The following KIF27 variants were observed in gnomAD, a reference collection of about 807,000 sequenced individuals.
KIF27 encodes the protein kinesin family member 27.
KIF27 carries 84 observed loss-of-function variants against 141.8 expected under a neutral mutation model. The ratio of observed to expected loss-of-function variants is 0.59; its 90% CI spans 0.50 to 0.71. KIF27 has a LOEUF of 0.71. Ranked by LOEUF, KIF27 falls within the 30% of genes least tolerant of loss-of-function variation. The pLI is 0.00. For missense variants in KIF27, 1,306 were observed against 1,628.4 expected (o/e 0.80, Z 3.41); for synonymous variants, 471 against 569.5 (o/e 0.83, Z 2.46).
intron 2 of KIF27, among the ~76,000 whole-genome samples, chr9:83,909,869 C>G (rs1419926807): frequency 6.6e-6 from 1 of 151,982 alleles, no homozygotes; most frequent in Non-Finnish European, 1.5e-5. Context: ...TTGAGACAAG[C>G]CTGGGCAACA....
At position 83,903,204 on chromosome 9, in the gene KIF27, T is replaced by C. The variant is rs1393563434; in HGVS notation, c.1314A>G (p.Lys438=). 1 of 1,614,030 alleles carries C rather than the reference T, an allele frequency of 6.2e-7. No homozygotes were observed. The highest frequency in any genetic ancestry group is 1.3e-5 in the African/African-American group (1 of 74,898). Residue 438 remains lysine, a synonymous_variant, in exon 4 of 18, where the codon AAA becomes AAG. Transcript: ENST00000297814. ...TVRLNEKQQH[K]LQEWFNMIQE... ...GGATCATGTTAAACCACTCCTGCAG[T>C]TTGTGTTGCTGCTTTTCGTTTAGTC...
At chr9:83,879,812 C>T (rs1332107772) in intron 11 of KIF27, among the ~76,000 whole-genome samples, 1 of 152,142 alleles carries the variant, frequency 6.6e-6, no homozygotes, top group Non-Finnish European at 1.5e-5. Context: ...AGGCTGACAC[C>T]ACTAAGTTCT....
chr9:83,863,002 T>C (rs1442839274), intron 13 of KIF27, among the ~76,000 whole-genome samples: 1 of 152,212 alleles, frequency 6.6e-6, no homozygotes, highest in Admixed American at 6.5e-5. Flanking sequence ...ATAAAAATGC[T>C]TGTGATTTTT....
At chr9:83,919,996 C>T (rs1048749128) in intron 1 of KIF27, among the ~76,000 whole-genome samples, 4 of 151,892 alleles carry the variant, frequency 2.6e-5, no homozygotes, top group Non-Finnish European at 5.9e-5. Context: ...CTTTGGGAGG[C>T]CAAGGCAGGT....
intron 2 of KIF27, 131 bp downstream of exon 2, chr9:83,915,163 C>T (rs1955564927): frequency 3.0e-6 from 2 of 676,312 alleles, no homozygotes; most frequent in Non-Finnish European, 2.4e-6. Flanking sequence ...CTTATGATCA[C>T]ATTTGATTAC....
intron 17 of KIF27, chr9:83,837,780 T>C (rs1946061413): frequency 4.8e-6 from 1 of 208,032 alleles, no homozygotes. Flanking sequence ...TGGGCACCTC[T>C]GGTGCCTTTC....
At chr9:83,890,508 C>T (rs1268066548) in intron 6 of KIF27, among the ~76,000 whole-genome samples, 3 of 152,188 alleles carry the variant, frequency 2.0e-5, no homozygotes, top group African/African-American at 7.2e-5. Context: ...CAACTTCATT[C>T]TCTGGGATTG....
At chr9:83,876,449 G>A (rs901863358) in intron 11 of KIF27, among the ~76,000 whole-genome samples, 1 of 152,172 alleles carries the variant, frequency 6.6e-6, no homozygotes, top group African/African-American at 2.4e-5. Context: ...TCCCATGCTC[G>A]TGGATAAGAA....
At chr9:83,895,135 G>A (rs777637069) in intron 5 of KIF27, among the ~76,000 whole-genome samples, 10 of 150,898 alleles carry the variant, frequency 6.6e-5, no homozygotes, top group African/African-American at 9.7e-5. Context: ...GGCGGCGGGC[G>A]CCTGTAGTCC....
Position 83,859,389 on chromosome 9 carries a change from C to T in KIF27, c.2935-18G>A, listed in dbSNP as rs374149978. On this transcript the variant is annotated intron_variant, in intron 13 of 17. Transcript: ENST00000297814. ...TTTAAGGCCTAAAAGATACAACCCACCAGCCACCTCAAAAACAGTTACTAG... is the reference window on the plus strand; with the variant it reads ...TTTAAGGCCTAAAAGATACAACCCATCAGCCACCTCAAAAACAGTTACTAG... 4.5e-6 allele frequency: 7 copies of T among 1,570,746 alleles called. No homozygotes were observed. The African/African-American group carries it at 6.8e-5, about 15-fold the overall frequency.
At chr9:83,872,362 AG>A (rs1323410668) in intron 11 of KIF27, among the ~76,000 whole-genome samples, 1 of 152,122 alleles carries the variant, frequency 6.6e-6, no homozygotes, top group African/African-American at 2.4e-5. Flanking sequence ...GGTGCCTTCT[AG>A]GGGTTTAGAA....
intron 4 of KIF27, among the ~76,000 whole-genome samples, chr9:83,900,165 C>A (rs1335152439): frequency 6.6e-6 from 1 of 151,948 alleles, no homozygotes; most frequent in African/African-American, 2.4e-5. Flanking sequence ...TCCAAATTGA[C>A]ATATAGGGTT....
chr9:83,871,946 C>G (rs1669384877), intron 11 of KIF27, among the ~76,000 whole-genome samples: 1 of 151,114 alleles, frequency 6.6e-6, no homozygotes. Context: ...AGGTGATCCA[C>G]CTGCCTCAGC....
At chr9:83,908,776 G>T in intron 2 of KIF27, 124 bp from the exon 3 acceptor site, 1 of 471,136 alleles carries the variant, frequency 2.1e-6, no homozygotes, top group Non-Finnish European at 3.5e-6. Flanking sequence ...TTTTTTGGCG[G>T]GGGGACGGAG....
At chr9:83,862,054 C>T (rs1182422910) in intron 13 of KIF27, among the ~76,000 whole-genome samples, 2 of 152,004 alleles carry the variant, frequency 1.3e-5, no homozygotes, top group Non-Finnish European at 2.9e-5. Flanking sequence ...TGTTTGAGTT[C>T]ATTGTAGATT....
intron 11 of KIF27, among the ~76,000 whole-genome samples, chr9:83,870,905 T>C (rs1405066581): frequency 6.6e-6 from 1 of 151,966 alleles, no homozygotes; most frequent in African/African-American, 2.4e-5. Context: ...AATGTGTGGA[T>C]TTTTTTGTTT....
intron 11 of KIF27, among the ~76,000 whole-genome samples, chr9:83,878,937 G>A (rs2132170983): frequency 6.6e-6 from 1 of 151,116 alleles, no homozygotes; most frequent in East Asian, 2.0e-4. Flanking sequence ...CCAGCACTTT[G>A]GGAGGCTGAG....
chr9:83,915,772 T>C, intron 1 of KIF27, 94 bp from the exon 2 acceptor site: 1 of 592,020 alleles, frequency 1.7e-6, no homozygotes. Context: ...TTAGAACAGG[T>C]TTTGTTCCAA....
chr9:83,898,653 A>G (rs1241575151), intron 5 of KIF27: 1 of 152,112 alleles, frequency 6.6e-6, no homozygotes, highest in African/African-American at 2.4e-5. Flanking sequence ...TATGTTTTTA[A>G]ATTATTATAC....
Sources: allele counts gnomAD v4.1 joint callset (sites outside exome capture counted in the v4.1 genomes callset), GRCh38; gene constraint gnomAD v4.1.1; transcripts MANE v1.5; gene names NCBI Gene and HGNC (gene_info 2026-07-23, HGNC 2026-07-21).